The following PTP4A3 variants were observed in gnomAD, a reference collection of about 807,000 sequenced individuals.
PTP4A3 encodes the protein protein tyrosine phosphatase 4A3, also known as protein tyrosine phosphatase type IVA 3.
A neutral mutation model predicts 15.2 loss-of-function variants in PTP4A3; 9 were observed. The ratio of observed to expected loss-of-function variants is 0.59; its 90% CI spans 0.36 to 1.03. PTP4A3 has a LOEUF of 1.03. Ranked by LOEUF, PTP4A3 falls within the 50% of genes least tolerant of loss-of-function variation. PTP4A3 has a pLI of 0.02. For missense variants in PTP4A3, 234 were observed against 252.1 expected (o/e 0.93, Z 0.49); for synonymous variants, 95 against 102.0 (o/e 0.93, Z 0.41).
chr8:141,409,154 G>A (rs7011715), intron 1 of PTP4A3, among the ~76,000 whole-genome samples: 69,830 of 152,106 alleles, frequency 0.46, 19,790 homozygotes, highest in African/African-American at 0.8. Context: ...CTGACCCACC[G>A]CTGCCTTTCC....
At chr8:141,393,675 G>A (rs191912259) in intron 1 of PTP4A3, among the ~76,000 whole-genome samples, 5 of 152,342 alleles carry the variant, frequency 3.3e-5, no homozygotes, top group East Asian at 1.9e-4. Flanking sequence ...CCCTCCTCCC[G>A]GAAGCTTGCG....
At chr8:141,427,583 C>A (rs1450024908) in intron 4 of PTP4A3, among the ~76,000 whole-genome samples, 167 bp from the exon 5 acceptor site, 1 of 152,208 alleles carries the variant, frequency 6.6e-6, no homozygotes, top group Non-Finnish European at 1.5e-5. Context: ...GGATTTAGAC[C>A]CAGTGCTCAG....
Position 141,422,075 on chromosome 8 carries a change from A to G in PTP4A3, c.-166A>G. On this transcript the variant is annotated 5_prime_UTR_variant, in exon 2 of 6. Coordinates refer to ENST00000521578, the MANE Select transcript of PTP4A3 (RefSeq NM_032611.3). The stretch of plus-strand genomic sequence containing the variant: ...CTCCCCCACACCCAAGTATTTGCAC[A>G]ATATTTGTGCGGGGTATGGGGGTGG... 1.7e-6 allele frequency: 1 copy of G among 594,136 alleles called. No individual in the cohort carries two copies. Among genetic ancestry groups the G allele is most frequent in the Non-Finnish European group, 2.9e-6 (1 of 341,206 alleles). 36.8% of individuals were successfully genotyped at this position (594,136 alleles called of 1,614,324 possible).
chr8:141,395,175 C>T (rs572722627), intron 1 of PTP4A3, among the ~76,000 whole-genome samples: 33 of 152,310 alleles, frequency 2.2e-4, no homozygotes, highest in Non-Finnish European at 3.1e-4. Context: ...CTGTGGGTTC[C>T]GATGGCCCAG....
chr8:141,416,859 AG>A (rs992216506), intron 1 of PTP4A3, among the ~76,000 whole-genome samples: 3 of 143,012 alleles, frequency 2.1e-5, no homozygotes, highest in East Asian at 2.3e-4. Flanking sequence ...TGGCAGGGGG[AG>A]GGGGGGTCGT....
intron 1 of PTP4A3, among the ~76,000 whole-genome samples, chr8:141,420,301 G>T (rs2130119639): frequency 6.6e-6 from 1 of 152,286 alleles, no homozygotes; most frequent in Non-Finnish European, 1.5e-5. Context: ...CAGCAGTGCG[G>T]GGACCCCTCA....
At position 141,427,043 on chromosome 8, in the gene PTP4A3, T is replaced by C. The variant is rs1833607782; in HGVS notation, c.303T>C (p.Ala101=). 6.2e-7 allele frequency: 1 copy of C among 1,600,436 alleles called. No individual in the cohort carries two copies. The highest frequency in any genetic ancestry group is 1.3e-5 in the African/African-American group (1 of 75,042). ...KFCEAPGSCV[A]VHCVAGLGRA... ...GTGAGGCCCCCGGCAGCTGCGTGGC[T>C]GTGCACTGCGTGGCGGGCCTGGGCC... is the stretch of plus-strand genomic sequence containing the variant. Residue 101 remains alanine (A), a synonymous_variant, in exon 4 of 6, where the codon GCT becomes GCC. Transcript: ENST00000521578.
At chr8:141,399,451 G>A (rs777174136) in intron 1 of PTP4A3, among the ~76,000 whole-genome samples, 2 of 152,160 alleles carry the variant, frequency 1.3e-5, no homozygotes, top group African/African-American at 2.4e-5. Flanking sequence ...CGGGGCTCCC[G>A]GCTGCCCCTC....
rs1833599570 is a variant in PTP4A3 at position 141,426,902 on chromosome 8, C to G, written c.199-37C>G. 2.5e-6 allele frequency: 4 copies of G among 1,600,342 alleles called. No individual in the cohort carries two copies. The African/African-American group carries it at 4.0e-5, about 16-fold the overall frequency. On this transcript the variant is annotated intron_variant, in intron 3 of 5. Coordinates refer to ENST00000521578, the MANE Select transcript of PTP4A3 (RefSeq NM_032611.3). ...CCCCAGAGCCGCCTCTCTACCCTCCCTCAGCCGGGGGTCCTCATGTCTGCT... is the reference window on the plus strand; with the variant it reads ...CCCCAGAGCCGCCTCTCTACCCTCCGTCAGCCGGGGGTCCTCATGTCTGCT...
At chr8:141,411,713 C>G (rs1442552792) in intron 1 of PTP4A3, among the ~76,000 whole-genome samples, 1 of 152,166 alleles carries the variant, frequency 6.6e-6, no homozygotes, top group Non-Finnish European at 1.5e-5. Context: ...GGCCAGTGGC[C>G]CTGGCTAGCT....
chr8:141,427,959 C>A, intron 5 of PTP4A3, 135 bp downstream of exon 5: 3 of 883,244 alleles, frequency 3.4e-6, no homozygotes, highest in Non-Finnish European at 5.1e-6. Flanking sequence ...CTGGGCCTTG[C>A]TGCAGAAACG....
At chr8:141,426,898 C>T (rs752384713) in intron 3 of PTP4A3, 41 bp from the exon 4 acceptor site, 9 of 1,597,580 alleles carry the variant, frequency 5.6e-6, no homozygotes, top group Non-Finnish European at 6.8e-6. Context: ...CCTCTCTACC[C>T]TCCCTCAGCC....
intron 1 of PTP4A3, among the ~76,000 whole-genome samples, chr8:141,408,066 G>A (rs541098215): frequency 4.6e-5 from 7 of 152,348 alleles, no homozygotes; most frequent in South Asian, 2.1e-4. Context: ...AGGCTGCGCC[G>A]TGGCTGAGCC....
At chr8:141,414,365 GCCTGGTGGGTAGA>G (rs1355949444) in intron 1 of PTP4A3, among the ~76,000 whole-genome samples, 1 of 124,336 alleles carries the variant, frequency 8.0e-6, no homozygotes, top group Non-Finnish European at 1.7e-5. Flanking sequence ...TGGGGGCCCA[GCCTGGTGGGTAGA>G]CCTGGCTTCT....
In PTP4A3 at chr8:141,431,496, C is replaced by G. The variant is rs372204595; in HGVS notation, c.*452C>G. Reference sequence around the variant, plus strand: ...GGGGCAGTCAGGTGCTCCGGACACCCGAAGGCAATAAAACAGGAGCCGTGG... The same window carrying G: ...GGGGCAGTCAGGTGCTCCGGACACCGGAAGGCAATAAAACAGGAGCCGTGG... On this transcript the variant is annotated 3_prime_UTR_variant, in exon 6 of 6. Transcript: ENST00000521578. The G allele has an allele frequency of 1.3e-5, 2 of 158,636 alleles. No individual in the cohort carries two copies. The highest frequency in any genetic ancestry group is 4.8e-5 in the African/African-American group (2 of 41,586). The allele number at this position is 158,636 out of a possible 1,614,324, so 9.8% of individuals were successfully genotyped here.
At chr8:141,418,143 G>GC (rs1833140065) in intron 1 of PTP4A3, among the ~76,000 whole-genome samples, 1 of 152,066 alleles carries the variant, frequency 6.6e-6, no homozygotes, top group Admixed American at 6.5e-5. Flanking sequence ...AGGGGGCCGC[G>GC]CCCCTTACCA....
At position 141,422,349 on chromosome 8, in the gene PTP4A3, A is replaced by C; in HGVS notation, c.105+4A>C. The C allele has an allele frequency of 6.2e-7, 1 of 1,613,264 alleles. No homozygotes were observed. The highest frequency in any genetic ancestry group is 1.7e-4 in the Middle Eastern group (1 of 6,060). On this transcript the variant is annotated splice_donor_region_variant and intron_variant, in intron 2 of 5. Coordinates refer to ENST00000521578, the MANE Select transcript of PTP4A3 (RefSeq NM_032611.3). ...CACGCTCAGCACCTTCATTGAGGTG[A>C]GTGGAGACGGAGGTGTGGCAGGCAG...
At chr8:141,396,257 C>G (rs75326122) in intron 1 of PTP4A3, among the ~76,000 whole-genome samples, 1,568 of 152,288 alleles carry the variant, frequency 0.01, 25 homozygotes, top group African/African-American at 0.035. Context: ...AGACCTCTGG[C>G]GGGTAAGTGT....
Position 141,431,192 on chromosome 8 carries a change from G to T in PTP4A3, c.*148G>T. On this transcript the variant is annotated 3_prime_UTR_variant, in exon 6 of 6. Transcript: ENST00000521578. The stretch of plus-strand genomic sequence containing the variant: ...GCCTTTTCCTCCCCGACACCTCCGT[G>T]CACTTGTGTCCGAGGAGCGAGGAGC... 1.4e-6 allele frequency: 1 copy of T among 731,318 alleles called. No individual in the cohort carries two copies. Among genetic ancestry groups the T allele is most frequent in the Non-Finnish European group, 2.3e-6 (1 of 435,904 alleles). The allele number at this position is 731,318 out of a possible 1,614,324, so 45.3% of individuals were successfully genotyped here.
Sources: allele counts gnomAD v4.1 joint callset (sites outside exome capture counted in the v4.1 genomes callset), GRCh38; gene constraint gnomAD v4.1.1; transcripts MANE v1.5; gene names NCBI Gene and HGNC (gene_info 2026-07-23, HGNC 2026-07-21).